PPP1R3A: variants seen among roughly 807,000 people sequenced by gnomAD.
PPP1R3A encodes protein phosphatase 1 regulatory subunit 3A, also known as RG1.
A neutral mutation model predicts 41.7 loss-of-function variants in PPP1R3A; 29 were observed. That is an observed-to-expected ratio of 0.70 (90% CI 0.52 to 0.95). The LOEUF (loss-of-function observed/expected upper bound fraction) is 0.95. PPP1R3A is among the 40% of genes least tolerant of loss of function. PPP1R3A has a pLI of 0.00. For synonymous variants in PPP1R3A, 485 were observed against 453.4 expected (o/e 1.07, Z -0.89); for missense variants, 1,352 against 1,292.4 (o/e 1.05, Z -0.71).
In PPP1R3A at chr7:113,881,334, A is replaced by C. The variant is rs1308754346; in HGVS notation, c.966+705T>G. On this transcript the variant is annotated intron_variant, in intron 3 of 3. Transcript: ENST00000284601. ...TGAATCCATGTATTCCAATGATATG[A>C]GCTCCATCCAAATACAGTAAAGGAT... Among the ~76,000 whole-genome samples, 3 of 152,126 alleles carry C rather than the reference A, an allele frequency of 2.0e-5. No individual in the cohort carries two copies. The East Asian group carries it at 5.8e-4, about 30-fold the overall frequency.
chr7:113,885,343 G>T (rs1404196817), intron 1 of PPP1R3A, among the ~76,000 whole-genome samples: 1 of 152,042 alleles, frequency 6.6e-6, no homozygotes, highest in Admixed American at 6.6e-5. Context: ...CACCGCACCT[G>T]GCCCCCAGGC....
chr7:113,906,604 A>C (rs1316479163), intron 1 of PPP1R3A, among the ~76,000 whole-genome samples: 1 of 151,808 alleles, frequency 6.6e-6, no homozygotes, highest in African/African-American at 2.4e-5. Context: ...TCTGATTTTT[A>C]AAAATCATGA....
In PPP1R3A at chr7:113,896,796, C is replaced by T. The variant is rs1796982773; in HGVS notation, c.783-14476G>A. Among the ~76,000 whole-genome samples the T allele has an allele frequency of 2.0e-5, 3 of 151,824 alleles. No homozygotes were observed. In the South Asian group the frequency reaches 6.2e-4, roughly 31 times the overall value. ...ACAGCAAGCAAGCAGGAAGCATCAA[C>T]TATTATTATTATATTGGCATTTTGC... On this transcript the variant is annotated intron_variant, in intron 1 of 3. Transcript: ENST00000284601.
At chr7:113,903,187 TG>T (rs1797093256) in intron 1 of PPP1R3A, among the ~76,000 whole-genome samples, 1 of 151,784 alleles carries the variant, frequency 6.6e-6, no homozygotes, top group African/African-American at 2.4e-5. Context: ...TAGGTAAAAG[TG>T]TAAACTTTAG....
Position 113,878,187 on chromosome 7 carries a change from G to T in PPP1R3A, c.2905C>A (p.Pro969Thr). Residue 969 changes from proline to threonine, a missense_variant, in exon 4 of 4, where the codon CCT becomes ACT. Physicochemically the swap from Pro to Thr is conservative, Grantham distance 38. Transcript: ENST00000284601. ...EIQGIEKHPYPESKPEEVSRS... is the reference protein window; with the variant it reads ...EIQGIEKHPYTESKPEEVSRS... ...GAAACTTCTTCAGGTTTAGACTCAG[G>T]ATAAGGGTGCTTCTCAATACCCTGG... 1 of 1,613,248 alleles carries T rather than the reference G, an allele frequency of 6.2e-7. No individual in the cohort carries two copies. Among genetic ancestry groups the T allele is most frequent in the Non-Finnish European group, 8.5e-7 (1 of 1,179,602 alleles).
intron 1 of PPP1R3A, among the ~76,000 whole-genome samples, chr7:113,904,919 A>C (rs904220692): frequency 6.6e-6 from 1 of 151,648 alleles, no homozygotes; most frequent in Non-Finnish European, 1.5e-5. Flanking sequence ...GAAAACAACA[A>C]AATGTATCAA....
intron 1 of PPP1R3A, among the ~76,000 whole-genome samples, chr7:113,905,202 T>C (rs964458531): frequency 1.6e-4 from 25 of 151,672 alleles, no homozygotes; most frequent in African/African-American, 6.0e-4. Context: ...AAATACATAG[T>C]TATTTAGACT....
intron 3 of PPP1R3A, among the ~76,000 whole-genome samples, chr7:113,881,618 T>TA (rs1371834005): frequency 6.6e-6 from 1 of 152,052 alleles, no homozygotes; most frequent in Non-Finnish European, 1.5e-5. Flanking sequence ...TGGAATTTTT[T>TA]AAAAAATGCT....
intron 1 of PPP1R3A, among the ~76,000 whole-genome samples, chr7:113,883,541 A>G (rs548681670): frequency 6.6e-6 from 1 of 152,088 alleles, no homozygotes; most frequent in East Asian, 1.9e-4. Flanking sequence ...ATGCTTCTAT[A>G]TAAATATAAT....
Position 113,879,627 on chromosome 7 carries a change from A to T in PPP1R3A, c.1465T>A (p.Phe489Ile), listed in dbSNP as rs767459563. 3.1e-6 allele frequency: 5 copies of T among 1,613,272 alleles called. No individual in the cohort carries two copies. In the East Asian group the frequency reaches 1.1e-4, roughly 36 times the overall value. The part of the protein sequence containing the change: ...VKDLGCLRRD[F>I]HSDTSACLKE... ...AGACATGCCGACGTATCTGAATGGA[A>T]ATCTCTTCGTAAACATCCCAAATCT... Residue 489 changes from phenylalanine (F) to isoleucine (I), a missense_variant, in exon 4 of 4, where the codon TTC becomes ATC. Phe to Ile is a conservative substitution (Grantham distance 21, BLOSUM62 0). Coordinates refer to ENST00000284601, the MANE Select transcript of PPP1R3A (RefSeq NM_002711.4).
chr7:113,879,172 C>A lies in PPP1R3A; in HGVS notation c.1920G>T (p.Gly640=). The change falls in exon 4 of 4, where the codon GGG becomes GGT. Residue 640 remains glycine (G), a synonymous_variant. Coordinates refer to ENST00000284601, the MANE Select transcript of PPP1R3A (RefSeq NM_002711.4). ...TATTATCCTGATCTTCAGAATTAAT[C>A]CCACCTGATTTTTCTTCAACTTGGA... ...YLFQVEEKSG[G]INSEDQDNSP... 1 of 1,613,570 alleles carries A rather than the reference C, an allele frequency of 6.2e-7. No homozygotes were observed. The highest frequency in any genetic ancestry group is 1.1e-5 in the South Asian group (1 of 91,074).
chr7:113,879,309 C>A lies in PPP1R3A; in HGVS notation c.1783G>T (p.Val595Leu). ...AAATGATGATGCTCTGGGGTTAACACAGCTTCTTCCCAACTTAAATTTGTC... is the reference window on the plus strand; with the variant it reads ...AAATGATGATGCTCTGGGGTTAACAAAGCTTCTTCCCAACTTAAATTTGTC... Reference protein sequence around the residue: ...PRTNLSWEEAVLTPEHHHLTS... With the variant: ...PRTNLSWEEALLTPEHHHLTS... Residue 595 changes from valine (V) to leucine (L), a missense_variant, in exon 4 of 4, where the codon GTG becomes TTG. By Grantham distance (32) the Val-to-Leu change is conservative (BLOSUM62 1). Transcript: ENST00000284601. 6.2e-7 allele frequency: 1 copy of A among 1,613,594 alleles called. No homozygotes were observed. Among genetic ancestry groups the A allele is most frequent in the African/African-American group, 1.3e-5 (1 of 74,990 alleles).
At chr7:113,905,737 G>A (rs1797135601) in intron 1 of PPP1R3A, among the ~76,000 whole-genome samples, 1 of 151,792 alleles carries the variant, frequency 6.6e-6, no homozygotes, top group Non-Finnish European at 1.5e-5. Context: ...AGATAGAAAT[G>A]TCAGTGGAAT....
At chr7:113,913,245 G>A (rs1797281435) in intron 1 of PPP1R3A, among the ~76,000 whole-genome samples, 1 of 151,974 alleles carries the variant, frequency 6.6e-6, no homozygotes, top group African/African-American at 2.4e-5. Context: ...CTATTTCCAG[G>A]ACCCCAGATT....
At chr7:113,917,655 C>A (rs902810461) in intron 1 of PPP1R3A, among the ~76,000 whole-genome samples, 1 of 151,918 alleles carries the variant, frequency 6.6e-6, no homozygotes, top group East Asian at 1.9e-4. Flanking sequence ...ATACTTATGT[C>A]TTTCTGTTAA....
Position 113,879,597 on chromosome 7 carries a change from C to G in PPP1R3A, c.1495G>C (p.Glu499Gln), listed in dbSNP as rs772734887. 3 of 1,613,136 alleles carry G rather than the reference C, an allele frequency of 1.9e-6. No individual in the cohort carries two copies. The African/African-American group carries it at 4.0e-5, about 22-fold the overall frequency. Residue 499 changes from glutamate to glutamine, a missense_variant, in exon 4 of 4, where the codon GAA (glutamate) becomes CAA (glutamine). Physicochemically the swap from Glu to Gln is conservative, Grantham distance 29. Transcript: ENST00000284601. ...TTAGAAGATCCTTCTTCTGTTGATT[C>G]TTTGAGACATGCCGACGTATCTGAA... The part of the protein sequence containing the change: ...FHSDTSACLK[E>Q]STEEGSSKED...
chr7:113,918,532 C>T lies in PPP1R3A; in HGVS notation c.465G>A (p.Lys155=). 6.2e-7 allele frequency: 1 copy of T among 1,612,948 alleles called. No homozygotes were observed. The highest frequency in any genetic ancestry group is 8.5e-7 in the Non-Finnish European group (1 of 1,179,450). The part of the protein sequence containing the change: ...IIRVLNVSFE[K]LVYVRMSLDD... The stretch of plus-strand genomic sequence containing the variant: ...CTAAAGACATTCTTACATATACTAA[C>T]TTCTCAAAAGAAACATTCAAAACTC... The change falls in exon 1 of 4, where the codon AAG becomes AAA. Residue 155 remains lysine, a synonymous_variant. Transcript: ENST00000284601.
At chr7:113,896,205 A>G (rs1429216541) in intron 1 of PPP1R3A, among the ~76,000 whole-genome samples, 4 of 151,858 alleles carry the variant, frequency 2.6e-5, no homozygotes, top group Non-Finnish European at 4.4e-5. Context: ...TTTGTGTTAC[A>G]CATTTTCTTT....
chr7:113,911,063 A>G (rs1797236308), intron 1 of PPP1R3A, among the ~76,000 whole-genome samples: 1 of 152,094 alleles, frequency 6.6e-6, no homozygotes, highest in Non-Finnish European at 1.5e-5. Flanking sequence ...ACACAGACAG[A>G]TCATTTTCAG....
Sources: allele counts gnomAD v4.1 joint callset (sites outside exome capture counted in the v4.1 genomes callset), GRCh38; gene constraint gnomAD v4.1.1; transcripts MANE v1.5; gene names NCBI Gene and HGNC (gene_info 2026-07-23, HGNC 2026-07-21).